Variants in CDK14 observed in about 807,000 individuals in gnomAD.
CDK14 encodes cyclin dependent kinase 14, also known as cyclin-dependent kinase 14.
CDK14 carries 34 observed loss-of-function variants against 60.7 expected under a neutral mutation model. The observed-to-expected ratio is 0.56, with a 90% CI of 0.43 to 0.75. The LOEUF (loss-of-function observed/expected upper bound fraction) is 0.75. Ranked by LOEUF, CDK14 falls within the 30% of genes least tolerant of loss-of-function variation. The pLI, the probability that CDK14 is intolerant of heterozygous loss-of-function variation, is 0.00. For missense variants in CDK14, 482 were observed against 564.1 expected (o/e 0.85, Z 1.47); for synonymous variants, 197 against 203.7 (o/e 0.97, Z 0.28).
At chr7:90,651,581 T>G (rs1389569504) in intron 2 of CDK14, among the ~76,000 whole-genome samples, 1 of 152,212 alleles carries the variant, frequency 6.6e-6, no homozygotes, top group Non-Finnish European at 1.5e-5. Flanking sequence ...TGTGTGAGGC[T>G]TCTGCTTTCC....
At chr7:91,206,190 C>T (rs1802892063) in intron 14 of CDK14, among the ~76,000 whole-genome samples, 1 of 152,192 alleles carries the variant, frequency 6.6e-6, no homozygotes, top group Non-Finnish European at 1.5e-5. Context: ...TCCTTGATGC[C>T]ACAGCCTGTG....
intron 4 of CDK14, among the ~76,000 whole-genome samples, chr7:90,784,404 A>T (rs767801241): frequency 1.3e-5 from 2 of 152,220 alleles, no homozygotes; most frequent in African/African-American, 2.4e-5. Context: ...AAATAGCTGG[A>T]GGAGTGGATA....
At position 90,835,845 on chromosome 7, in the gene CDK14, A is replaced by T. The variant is rs188485649; in HGVS notation, c.545-27330A>T. Among the ~76,000 whole-genome samples the T allele has an allele frequency of 2.6e-5, 4 of 152,340 alleles. No individual in the cohort carries two copies. In the East Asian group the frequency reaches 7.7e-4, roughly 29 times the overall value. On this transcript the variant is annotated intron_variant, in intron 5 of 14. Coordinates refer to ENST00000380050, the MANE Select transcript of CDK14 (RefSeq NM_001287135.2). ...AAATATAGATGGTGCAGCTTTGTAC[A>T]TACCTAGGCTATATGGTATATAGCC...
chr7:90,640,858 G>C (rs1038874112), intron 2 of CDK14, among the ~76,000 whole-genome samples: 1 of 152,020 alleles, frequency 6.6e-6, no homozygotes, highest in Non-Finnish European at 1.5e-5. Flanking sequence ...CCTGATAAGG[G>C]ACTGGTATCC....
At chr7:90,899,475 A>G (rs906072924) in intron 7 of CDK14, 122 bp downstream of exon 7, 1 of 583,892 alleles carries the variant, frequency 1.7e-6, no homozygotes, top group Non-Finnish European at 2.8e-6. Context: ...AAGAGAAGGG[A>G]TATTGAGGTG....
chr7:90,848,703 A>G (rs1379956952), intron 5 of CDK14, among the ~76,000 whole-genome samples: 13 of 152,154 alleles, frequency 8.5e-5, no homozygotes, highest in Non-Finnish European at 1.5e-4. Flanking sequence ...TATCTGAAAA[A>G]GTGCATCAAA....
At chr7:91,134,807 A>G (rs1471429439) in intron 14 of CDK14, among the ~76,000 whole-genome samples, 1 of 151,064 alleles carries the variant, frequency 6.6e-6, no homozygotes, top group Non-Finnish European at 1.5e-5. Flanking sequence ...CCTAGGAGGC[A>G]GAGGTTACAG....
chr7:90,800,738 A>G (rs1322596490), intron 5 of CDK14, among the ~76,000 whole-genome samples: 2 of 152,192 alleles, frequency 1.3e-5, no homozygotes, highest in Non-Finnish European at 2.9e-5. Context: ...TCTGTGATAA[A>G]TTACCACAAA....
At chr7:91,021,204 G>C (rs1796426695) in intron 10 of CDK14, among the ~76,000 whole-genome samples, 1 of 152,150 alleles carries the variant, frequency 6.6e-6, no homozygotes, top group Admixed American at 6.5e-5. Flanking sequence ...CAACATCACA[G>C]TTTCTGCCTG....
intron 7 of CDK14, among the ~76,000 whole-genome samples, chr7:90,912,951 A>G (rs1478703089): frequency 6.6e-6 from 1 of 152,184 alleles, no homozygotes; most frequent in Non-Finnish European, 1.5e-5. Context: ...TTAAATTAGA[A>G]TAAACTTTCA....
At chr7:90,990,569 A>T (rs73229106) in intron 10 of CDK14, among the ~76,000 whole-genome samples, 10,802 of 152,210 alleles carry the variant, frequency 0.071, 471 homozygotes, top group South Asian at 0.095. Context: ...TATAAGTAAA[A>T]GAAACGTATG....
At chr7:91,074,718 T>G (rs1225069331) in intron 11 of CDK14, among the ~76,000 whole-genome samples, 2 of 152,068 alleles carry the variant, frequency 1.3e-5, no homozygotes, top group Non-Finnish European at 2.9e-5. Context: ...AGGAGCTGGT[T>G]TTTTTGAAAA....
intron 11 of CDK14, among the ~76,000 whole-genome samples, chr7:91,063,495 A>G (rs1797871612): frequency 6.6e-6 from 1 of 152,226 alleles, no homozygotes; most frequent in South Asian, 2.1e-4. Context: ...AATACTCCCA[A>G]TGGAGATTGT....
At chr7:90,971,319 A>AG (rs1386928196) in intron 9 of CDK14, among the ~76,000 whole-genome samples, 2 of 152,176 alleles carry the variant, frequency 1.3e-5, no homozygotes, top group African/African-American at 4.8e-5. Context: ...TGGTTAGTAC[A>AG]GTGGCAGCTC....
At chr7:90,749,786 G>C (rs1803747962) in intron 4 of CDK14, among the ~76,000 whole-genome samples, 1 of 152,156 alleles carries the variant, frequency 6.6e-6, no homozygotes, top group South Asian at 2.1e-4. Flanking sequence ...GTGCTTGGTG[G>C]CTTTCTACTG....
intron 12 of CDK14, among the ~76,000 whole-genome samples, chr7:91,084,708 TC>T (rs1399636798): frequency 2.0e-5 from 3 of 152,226 alleles, no homozygotes; most frequent in African/African-American, 7.2e-5. Flanking sequence ...CGTTTTTTGA[TC>T]CCCTTCTGAT....
chr7:90,803,426 T>A (rs1419246972), intron 5 of CDK14, among the ~76,000 whole-genome samples: 1 of 152,118 alleles, frequency 6.6e-6, no homozygotes, highest in Non-Finnish European at 1.5e-5. Context: ...GAGATAAATA[T>A]GTTTGGAAGG....
chr7:90,726,252 C>T, intron 2 of CDK14: 1 of 960,364 alleles, frequency 1.0e-6, no homozygotes, highest in Non-Finnish European at 1.2e-6. Flanking sequence ...AAATAAACCA[C>T]TTCCAGTCAG....
chr7:91,039,474 G>C (rs556797873), intron 10 of CDK14, among the ~76,000 whole-genome samples: 9 of 152,146 alleles, frequency 5.9e-5, no homozygotes, highest in Non-Finnish European at 1.2e-4. Flanking sequence ...AGTGAAAAAC[G>C]TGGGTCCCCT....
Sources: allele counts gnomAD v4.1 joint callset (sites outside exome capture counted in the v4.1 genomes callset), GRCh38; gene constraint gnomAD v4.1.1; transcripts MANE v1.5; gene names NCBI Gene and HGNC (gene_info 2026-07-23, HGNC 2026-07-21).